The following GLG1 variants were observed in gnomAD, a reference collection of about 807,000 sequenced individuals.
GLG1 encodes the protein Golgi apparatus protein 1.
In GLG1, 38 loss-of-function variants were observed where a neutral mutation model predicts 160.5. That is an observed-to-expected ratio of 0.24 (90% CI 0.18 to 0.31). The LOEUF is 0.31. Ranked by LOEUF, GLG1 falls within the 10% of genes least tolerant of loss-of-function variation. The pLI, the probability that GLG1 is intolerant of heterozygous loss-of-function variation, is 1.00. For missense variants in GLG1, 1,373 were observed against 1,505.2 expected (o/e 0.91, Z 1.45); for synonymous variants, 644 against 543.4 (o/e 1.19, Z -2.57).
intron 25 of GLG1, among the ~76,000 whole-genome samples, chr16:74,454,794 G>A (rs1203944635): frequency 6.7e-6 from 1 of 149,634 alleles, no homozygotes; most frequent in Non-Finnish European, 1.5e-5. Flanking sequence ...GGTCTCCCAA[G>A]GTGCTGGGAT....
In GLG1 at chr16:74,516,097, AT is replaced by A. The variant is rs1212044902; in HGVS notation, c.472-7173del. The stretch of plus-strand genomic sequence containing the variant: ...ACAAAGAGACTTAGACTCTCACACA[AT>A]AATAATGGGAGACTTTAACACCACA... On this transcript the variant is annotated intron_variant, in intron 2 of 25. Coordinates refer to ENST00000422840, the MANE Select transcript of GLG1 (RefSeq NM_001145667.2). Among the ~76,000 whole-genome samples the A allele has an allele frequency of 1.3e-4, 20 of 151,656 alleles. 1 individual carries two copies. Among genetic ancestry groups the A allele is most frequent in the African/African-American group, 4.6e-4 (19 of 40,928 alleles).
At position 74,465,782 on chromosome 16, in the gene GLG1, T is replaced by G. The variant is rs2014978056; in HGVS notation, c.2561A>C (p.Gln854Pro). The G allele has an allele frequency of 6.2e-7, 1 of 1,613,866 alleles. No homozygotes were observed. Among genetic ancestry groups the G allele is most frequent in the Non-Finnish European group, 8.5e-7 (1 of 1,179,758 alleles). ...IIECLKENKK[Q>P]LSTRCHQKVF... ...TTTTTGGTGGCAGCGGGTGCTTAGCTGCTTCTTGTTTTCTTTCAGACATTC... is the reference window on the plus strand; with the variant it reads ...TTTTTGGTGGCAGCGGGTGCTTAGCGGCTTCTTGTTTTCTTTCAGACATTC... The change falls in exon 19 of 26, where the codon CAG becomes CCG. Residue 854 changes from glutamine (Q) to proline (P), a missense_variant. Transcript: ENST00000422840.
chr16:74,492,837 A>C (rs971342981), intron 7 of GLG1, 120 bp downstream of exon 7: 8 of 536,348 alleles, frequency 1.5e-5, no homozygotes, highest in Non-Finnish European at 1.8e-5. Flanking sequence ...AAAAAAAAAA[A>C]AAGAAAAATA....
At chr16:74,466,700 T>A (rs530845872) in intron 18 of GLG1, among the ~76,000 whole-genome samples, 1 of 152,168 alleles carries the variant, frequency 6.6e-6, no homozygotes, top group East Asian at 1.9e-4. Context: ...CAAGAATAGG[T>A]AGTTATGAAA....
chr16:74,473,876 C>G (rs930227291), intron 13 of GLG1, among the ~76,000 whole-genome samples: 4 of 152,116 alleles, frequency 2.6e-5, no homozygotes, highest in Admixed American at 2.6e-4. Context: ...AATGACCTAA[C>G]TAAAAGAGCG....
At chr16:74,574,883 CAAAAAAA>C (rs531720341) in intron 1 of GLG1, among the ~76,000 whole-genome samples, 27 of 24,786 alleles carry the variant, frequency 1.1e-3, no homozygotes, top group South Asian at 0.011. Context: ...GACTCTGTCT[CAAAAAAA>C]AAAAAAAAAA....
intron 1 of GLG1, among the ~76,000 whole-genome samples, chr16:74,560,238 A>G (rs1329374699): frequency 1.3e-5 from 2 of 152,148 alleles, no homozygotes. Context: ...TGAATAGAAC[A>G]AAAAGGCTGA....
chr16:74,575,475 A>G (rs968330261), intron 1 of GLG1, among the ~76,000 whole-genome samples: 1 of 152,240 alleles, frequency 6.6e-6, no homozygotes, highest in Non-Finnish European at 1.5e-5. Context: ...ATAACAAAAT[A>G]TTATGACCAG....
At chr16:74,453,743 GTTAAATGACTTC>G (rs1277209538) in intron 25 of GLG1, among the ~76,000 whole-genome samples, 2 of 152,196 alleles carry the variant, frequency 1.3e-5, no homozygotes, top group Non-Finnish European at 2.9e-5. Context: ...GGTGAGTGTG[GTTAAATGACTTC>G]TATAAGGCCA....
Position 74,472,149 on chromosome 16 carries a change from T to C in GLG1, c.2115+200A>G, listed in dbSNP as rs1156528448. On this transcript the variant is annotated intron_variant, in intron 14 of 25. Coordinates refer to ENST00000422840, the MANE Select transcript of GLG1 (RefSeq NM_001145667.2). ...TTGAAATCCTGGGCTCAAGTGCTCC[T>C]CCTTGGCTTCAAAGTGCTGGGATTA... 7.2e-5 allele frequency among the ~76,000 whole-genome samples: 11 copies of C among 152,270 alleles called. No homozygotes were observed. The East Asian group carries it at 2.1e-3, about 29-fold the overall frequency.
At chr16:74,524,136 G>C (rs1466033290) in intron 2 of GLG1, among the ~76,000 whole-genome samples, 1 of 152,082 alleles carries the variant, frequency 6.6e-6, no homozygotes, top group African/African-American at 2.4e-5. Context: ...TTGAACCCAG[G>C]AGGTGGAGAC....
chr16:74,576,762 T>A (rs1318201896), intron 1 of GLG1, among the ~76,000 whole-genome samples: 1 of 152,196 alleles, frequency 6.6e-6, no homozygotes, highest in Non-Finnish European at 1.5e-5. Flanking sequence ...TAATGAAGCC[T>A]GCTGAAGAAA....
chr16:74,490,123 G>GCA, intron 8 of GLG1, among the ~76,000 whole-genome samples: 1 of 152,270 alleles, frequency 6.6e-6, no homozygotes, highest in Admixed American at 6.5e-5. Context: ...ACTGCACAGG[G>GCA]CACACTGGTG....
At chr16:74,458,188 G>T in intron 23 of GLG1, 194 bp from the exon 24 acceptor site, 1 of 506,556 alleles carries the variant, frequency 2.0e-6, no homozygotes, top group Admixed American at 3.3e-5. Context: ...ACTACTTTTA[G>T]GGATACAAAA....
chr16:74,590,279 G>T (rs1028297293), intron 1 of GLG1, among the ~76,000 whole-genome samples: 1 of 151,922 alleles, frequency 6.6e-6, no homozygotes, highest in Non-Finnish European at 1.5e-5. Flanking sequence ...GATTACAAGC[G>T]TGAGCCACCG....
Position 74,451,909 on chromosome 16 carries a change from A to G in GLG1, c.*1258T>C. ...AAAATACAACATTTAGCCAATGCCT[A>G]CTAGAGTGGGTACACGCAGCAAATG... On this transcript the variant is annotated 3_prime_UTR_variant, in exon 26 of 26. Transcript: ENST00000422840. The G allele has an allele frequency of 1.5e-6, 1 of 648,330 alleles. No individual in the cohort carries two copies. The highest frequency in any genetic ancestry group is 2.8e-6 in the Non-Finnish European group (1 of 357,652). 40.2% of individuals were successfully genotyped at this position (648,330 alleles called of 1,614,324 possible).
intron 25 of GLG1, among the ~76,000 whole-genome samples, chr16:74,455,340 G>A (rs573980302): frequency 6.6e-6 from 1 of 152,258 alleles, no homozygotes; most frequent in African/African-American, 2.4e-5. Context: ...GGAGGCGTGA[G>A]ATGAATGAGA....
intron 13 of GLG1, among the ~76,000 whole-genome samples, chr16:74,473,202 C>T (rs1295984848): frequency 1.3e-5 from 2 of 151,882 alleles, no homozygotes; most frequent in Non-Finnish European, 2.9e-5. Context: ...ATGAGGGTTT[C>T]TAATCCCCCT....
intron 8 of GLG1, 69 bp from the exon 9 acceptor site, chr16:74,485,986 T>C: frequency 8.2e-7 from 1 of 1,222,346 alleles, no homozygotes; most frequent in Non-Finnish European, 1.2e-6. Flanking sequence ...AGTGTCTTCA[T>C]ACATTCAGTT....
Sources: gnomAD v4.1 joint callset for allele counts (sites outside exome capture counted in the v4.1 genomes callset) on GRCh38, gnomAD v4.1.1 for gene constraint, MANE v1.5 for transcripts, NCBI Gene and HGNC (gene_info 2026-07-23, HGNC 2026-07-21) for gene names.